The following CARMIL3 variants were observed in gnomAD, a reference collection of about 807,000 sequenced individuals.
CARMIL3 encodes capping protein regulator and myosin 1 linker 3.
Under a neutral mutation model 180.8 loss-of-function variants are expected in CARMIL3, and 88 were observed. That is an observed-to-expected ratio of 0.49 (90% CI 0.41 to 0.58). The LOEUF (loss-of-function observed/expected upper bound fraction) is 0.58. Among genes scored for constraint, CARMIL3 ranks in the 20% least tolerant of loss-of-function variants. The probability of loss-of-function intolerance (pLI) is 0.00; values close to 1 mark genes in which losing one functional copy is unlikely to be tolerated. For synonymous variants in CARMIL3, 696 were observed against 714.5 expected (o/e 0.97, Z 0.41); for missense variants, 1,548 against 1,787.0 (o/e 0.87, Z 2.41).
intron 8 of CARMIL3, 47 bp from the exon 9 acceptor site, chr14:24,055,496 C>A: frequency 6.2e-7 from 1 of 1,604,690 alleles, no homozygotes; most frequent in South Asian, 1.1e-5. Flanking sequence ...CTTTTCTGAC[C>A]CAACCACCTG....
Position 24,063,505 on chromosome 14 carries a change from C to T in CARMIL3, c.2951C>T (p.Thr984Ile). ...CAAGGGAGGCCCCGCCCCCCCAGGA[C>T]CACACCTCCAGGACCTGGTCGACCC... ...QTQGRPRPPR[T>I]TPPGPGRPSM... The change falls in exon 31 of 40, where the codon ACC (threonine) becomes ATC (isoleucine). Residue 984 changes from threonine (T) to isoleucine (I), a missense_variant. This residue lies in a region of CARMIL3 where 668 missense variants were observed against 687.8 expected (regional missense o/e 0.97). Coordinates refer to ENST00000342740, the MANE Select transcript of CARMIL3 (RefSeq NM_138360.4). 6.2e-7 allele frequency: 1 copy of T among 1,612,988 alleles called. No homozygotes were observed. The highest frequency in any genetic ancestry group is 8.5e-7 in the Non-Finnish European group (1 of 1,179,824).
At chr14:24,057,368 G>A (rs2035682954) in intron 14 of CARMIL3, 124 bp downstream of exon 14, 2 of 847,444 alleles carry the variant, frequency 2.4e-6, no homozygotes, top group African/African-American at 3.4e-5. Flanking sequence ...TTCAGGTTCA[G>A]CTGAAGTATA....
At chr14:24,068,363 C>T (rs540943546) in intron 36 of CARMIL3, among the ~76,000 whole-genome samples, 4 of 149,240 alleles carry the variant, frequency 2.7e-5, no homozygotes, top group Non-Finnish European at 5.9e-5. Flanking sequence ...CACCACTGTA[C>T]TCCAGCCTGG....
At position 24,058,190 on chromosome 14, in the gene CARMIL3, T is replaced by G. The variant is rs1012791688; in HGVS notation, c.1358T>G (p.Leu453Arg). The G allele has an allele frequency of 6.2e-7, 1 of 1,613,692 alleles. No individual in the cohort carries two copies. Among genetic ancestry groups the G allele is most frequent in the Non-Finnish European group, 8.5e-7 (1 of 1,179,990 alleles). The change falls in exon 17 of 40, where the codon CTC (leucine) becomes CGC (arginine). Residue 453 changes from leucine to arginine, a missense_variant. By Grantham distance (102) the Leu-to-Arg change is moderately radical. This residue lies in a region of CARMIL3 where 578 missense variants were observed against 666.5 expected (regional missense o/e 0.87). Coordinates refer to ENST00000342740, the MANE Select transcript of CARMIL3 (RefSeq NM_138360.4). This position sits in a 1 kb window ranked among gnomAD's most constrained non-coding sequence, Gnocchi z 6.4. ...CAGGGCCTCTCCCTCAACAGTCACC[T>G]CAGTGACCTGCACCTGGATCTCAGC... Reference protein sequence around the residue: ...LLQGLSLNSHLSDLHLDLSSC... With the variant: ...LLQGLSLNSHRSDLHLDLSSC...
In CARMIL3 at chr14:24,069,387, G is replaced by A; in HGVS notation, c.4102G>A (p.Glu1368Lys). The A allele has an allele frequency of 1.2e-6, 2 of 1,614,144 alleles. No homozygotes were observed. The highest frequency in any genetic ancestry group is 2.7e-5 in the African/African-American group (2 of 75,028). The change falls in exon 40 of 40, where the codon GAG becomes AAG. Residue 1368 changes from glutamate (E) to lysine (K), a missense_variant. Coordinates refer to ENST00000342740, the MANE Select transcript of CARMIL3 (RefSeq NM_138360.4). Reference sequence around the variant, plus strand: ...GGATTTGTCCCCAGCAGGAACCAGTGAGCCAGGAACAGACTGACAACTGCC... The same window carrying A: ...GGATTTGTCCCCAGCAGGAACCAGTAAGCCAGGAACAGACTGACAACTGCC... ...RRPPDPTGTS[E>K]PGTD
At position 24,068,697 on chromosome 14, in the gene CARMIL3, G is replaced by C. The variant is rs2138815693; in HGVS notation, c.3796G>C (p.Ala1266Pro). 6.2e-7 allele frequency: 1 copy of C among 1,613,540 alleles called. No individual in the cohort carries two copies. Among genetic ancestry groups the C allele is most frequent in the East Asian group, 2.2e-5 (1 of 44,872 alleles). Residue 1266 changes from alanine to proline, a missense_variant, in exon 37 of 40, where the codon GCC (alanine) becomes CCC (proline). By Grantham distance (27) the Ala-to-Pro change is conservative (BLOSUM62 -1). This residue lies in a region of CARMIL3 where 668 missense variants were observed against 687.8 expected (regional missense o/e 0.97). Transcript: ENST00000342740. ...AGAGAGGACACTTCCAGCTAGGAAT[G>C]CCAAGGTGAGAGCTGGCAAGATGGG... ...FPERTLPARN[A>P]KLQDPALAPW...
chr14:24,067,470 G>A (rs2035798918), intron 36 of CARMIL3, among the ~76,000 whole-genome samples: 1 of 152,254 alleles, frequency 6.6e-6, no homozygotes. Flanking sequence ...GTAAGGGCTG[G>A]AAAGAGCTAA....
chr14:24,065,216 G>C lies in CARMIL3; in HGVS notation c.3339G>C (p.Glu1113Asp), dbSNP rs748338945. The change falls in exon 33 of 40, where the codon GAG (glutamate) becomes GAC (aspartate). Residue 1113 changes from glutamate to aspartate, a missense_variant. Around this residue, in one of 4 missense-constraint regions of CARMIL3, gnomAD observed 668 missense variants for 687.8 expected, o/e 0.97. Transcript: ENST00000342740. Reference sequence around the variant, plus strand: ...CTCCCTGCTGGAGCCCAGAGGAGGAGAGCAGCCTCCTCCCTGGATTTGGTG... The same window carrying C: ...CTCCCTGCTGGAGCCCAGAGGAGGACAGCAGCCTCCTCCCTGGATTTGGTG... The part of the protein sequence containing the change: ...NSSPCWSPEE[E>D]SSLLPGFGGG... 10 of 1,559,598 alleles carry C rather than the reference G, an allele frequency of 6.4e-6. No individual in the cohort carries two copies. Among genetic ancestry groups the C allele is most frequent in the Middle Eastern group, 2.0e-4 (1 of 5,082 alleles).
intron 1 of CARMIL3, 21 bp downstream of exon 1, chr14:24,052,214 C>A: frequency 6.3e-7 from 1 of 1,580,854 alleles, no homozygotes; most frequent in East Asian, 2.4e-5. Context: ...GCCTCGGTCT[C>A]TGGGACGCCC....
rs1206590402 is a variant in CARMIL3 at position 24,065,167 on chromosome 14, C to A, written c.3290C>A (p.Pro1097His). Residue 1097 changes from proline (P) to histidine (H), a missense_variant, in exon 33 of 40, where the codon CCC becomes CAC. Around this residue, in one of 4 missense-constraint regions of CARMIL3, gnomAD observed 668 missense variants for 687.8 expected, o/e 0.97. Transcript: ENST00000342740. ...PTQESPPSPD[P>H]PSLGNNSSPC... ...CAGGAGAGCCCCCCTAGCCCAGACC[C>A]CCCAAGCCTCGGCAATAACTCCTCT... The A allele has an allele frequency of 9.9e-6, 15 of 1,508,684 alleles. No homozygotes were observed. Among genetic ancestry groups the A allele is most frequent in the Admixed American group, 6.8e-5 (3 of 44,320 alleles). The allele number at this position is 1,508,684 out of a possible 1,614,324, so 93.5% of individuals were successfully genotyped here. A position where few individuals can be genotyped will look rare whatever the true frequency, so the allele number is the denominator to read the frequency against.
Position 24,057,799 on chromosome 14 carries a change from A to T in CARMIL3, c.1141-4A>T. ...CCTGAGACCCACCATATCTCCCCCC[A>T]CAGCTTCTCGGTGCCCTGCTCCACG... On this transcript the variant is annotated splice_polypyrimidine_tract_variant and splice_region_variant and intron_variant, in intron 14 of 39. Transcript: ENST00000342740. 6.3e-7 allele frequency: 1 copy of T among 1,594,084 alleles called. No individual in the cohort carries two copies. Among genetic ancestry groups the T allele is most frequent in the Non-Finnish European group, 8.5e-7 (1 of 1,174,370 alleles).
chr14:24,052,147 G>C lies in CARMIL3; in HGVS notation c.-7G>C. 4.4e-6 allele frequency: 7 copies of C among 1,578,144 alleles called. No homozygotes were observed. The highest frequency in any genetic ancestry group is 6.0e-6 in the Non-Finnish European group (7 of 1,167,820). On this transcript the variant is annotated 5_prime_UTR_variant, in exon 1 of 40. Transcript: ENST00000342740. ...CCTCTGCAGCAGCCTCAGCAGCAGC[G>C]GCCGCCATGGCCAAGCCCAGCGTGG...
intron 34 of CARMIL3, 62 bp from the exon 35 acceptor site, chr14:24,066,336 T>C: frequency 6.4e-7 from 1 of 1,570,228 alleles, no homozygotes; most frequent in Non-Finnish European, 8.7e-7. Flanking sequence ...CAGAAGCCCT[T>C]TGTCAGCTGC....
chr14:24,062,615 C>T (rs1165377010), intron 28 of CARMIL3, 48 bp downstream of exon 28: 1 of 1,613,400 alleles, frequency 6.2e-7, no homozygotes, highest in Non-Finnish European at 8.5e-7. Context: ...GCCCTCCACC[C>T]CACATTATCC....
Position 24,058,567 on chromosome 14 carries a change from A to G in CARMIL3, c.1393-113A>G, listed in dbSNP as rs1293764276. ...GGGGAAAGAGTCTCCCTGATTTTAC[A>G]CCCAGATCCTGGCATGACTTTGAGT... On this transcript the variant is annotated intron_variant, in intron 17 of 39. Transcript: ENST00000342740. This position sits in a 1 kb window ranked among gnomAD's most constrained non-coding sequence, Gnocchi z 6.4. The G allele has an allele frequency of 4.9e-6, 4 of 820,054 alleles. No individual in the cohort carries two copies. The African/African-American group carries it at 5.1e-5, about 11-fold the overall frequency. 50.8% of individuals were successfully genotyped at this position (820,054 alleles called of 1,614,324 possible). A position where few individuals can be genotyped will look rare whatever the true frequency, so the allele number is the denominator to read the frequency against.
chr14:24,063,866 C>A (rs931831219), intron 31 of CARMIL3, among the ~76,000 whole-genome samples: 4 of 151,696 alleles, frequency 2.6e-5, no homozygotes, highest in Non-Finnish European at 4.4e-5. Flanking sequence ...GAGGCTGAGG[C>A]GGGCAGATCA....
In CARMIL3 at chr14:24,054,573, C is replaced by A; in HGVS notation, c.362+62C>A. The A allele has an allele frequency of 6.4e-7, 1 of 1,554,632 alleles. No individual in the cohort carries two copies. The highest frequency in any genetic ancestry group is 8.8e-7 in the Non-Finnish European group (1 of 1,133,650). On this transcript the variant is annotated intron_variant, in intron 5 of 39. Transcript: ENST00000342740. This position sits in a 1 kb window ranked among gnomAD's most constrained non-coding sequence, Gnocchi z 5.1. ...TGAGAGGGAGAGTTCATCCCTTCCTCCTTCCCCTGGGCCAGGGCTGAGAAG... is the reference window on the plus strand; with the variant it reads ...TGAGAGGGAGAGTTCATCCCTTCCTACTTCCCCTGGGCCAGGGCTGAGAAG...
chr14:24,054,317 T>C lies in CARMIL3; in HGVS notation c.246+16T>C. On this transcript the variant is annotated intron_variant, in intron 4 of 39. Coordinates refer to ENST00000342740, the MANE Select transcript of CARMIL3 (RefSeq NM_138360.4). The surrounding 1 kb of genome is among the most constrained non-coding windows in gnomAD (Gnocchi z 5.1). ...TCAGAATCAGGTGAGTACCAGGGCTTTGGGCCCCACTACTGGGCCAGCTGG... is the reference window on the plus strand; with the variant it reads ...TCAGAATCAGGTGAGTACCAGGGCTCTGGGCCCCACTACTGGGCCAGCTGG... 1.2e-6 allele frequency: 2 copies of C among 1,614,110 alleles called. No homozygotes were observed. The highest frequency in any genetic ancestry group is 2.2e-5 in the South Asian group (2 of 91,074).
In CARMIL3 at chr14:24,065,005, C is replaced by T. The variant is rs1393152505; in HGVS notation, c.3128C>T (p.Pro1043Leu). The T allele has an allele frequency of 3.7e-6, 6 of 1,612,106 alleles. No homozygotes were observed. The highest frequency in any genetic ancestry group is 1.1e-5 in the South Asian group (1 of 91,046). The change falls in exon 33 of 40, where the codon CCG becomes CTG. Residue 1043 changes from proline to leucine, a missense_variant. Pro to Leu is a moderately conservative substitution (Grantham distance 98, BLOSUM62 -3). Coordinates refer to ENST00000342740, the MANE Select transcript of CARMIL3 (RefSeq NM_138360.4). ...GTGCGGCCAGGACTCTCGGAGGCAC[C>T]GCTGCCTCCACTCCAGAAGAAGAGG... ...RTVRPGLSEA[P>L]LPPLQKKRRR... is the part of the protein sequence containing the mutation.
Sources: allele counts gnomAD v4.1 joint callset (sites outside exome capture counted in the v4.1 genomes callset), GRCh38; gene constraint gnomAD v4.1.1; regional missense constraint gnomAD v4.1.1; non-coding constraint Gnocchi (gnomAD v3.1); transcripts MANE v1.5; gene names NCBI Gene and HGNC (gene_info 2026-07-23, HGNC 2026-07-21).